The following TBCK variants were observed in gnomAD, a reference collection of about 807,000 sequenced individuals.
TBCK encodes TBC1 domain containing kinase.
In TBCK, 99 loss-of-function variants were observed where a neutral mutation model predicts 113.4. The observed-to-expected ratio is 0.87, with a 90% CI of 0.74 to 1.03. The LOEUF (loss-of-function observed/expected upper bound fraction) is 1.03. TBCK is among the 50% of genes least tolerant of loss of function. TBCK has a pLI of 0.00. For missense variants in TBCK, 1,045 were observed against 1,061.3 expected (o/e 0.98, Z 0.21); for synonymous variants, 369 against 370.8 (o/e 1.00, Z 0.05).
intron 3 of TBCK, among the ~76,000 whole-genome samples, chr4:106,265,481 C>A (rs952158493): frequency 2.6e-5 from 4 of 151,420 alleles, no homozygotes; most frequent in African/African-American, 9.7e-5. Flanking sequence ...AATCTTTAGT[C>A]CTATCTATTA....
At chr4:106,312,670 T>TA (rs1768329627) in intron 1 of TBCK, among the ~76,000 whole-genome samples, 1 of 152,160 alleles carries the variant, frequency 6.6e-6, no homozygotes, top group Non-Finnish European at 1.5e-5. Context: ...AACTGTACTC[T>TA]TAATAGCTAA....
At chr4:106,214,380 C>T (rs1387437669) in intron 19 of TBCK, among the ~76,000 whole-genome samples, 7 of 152,156 alleles carry the variant, frequency 4.6e-5, no homozygotes, top group East Asian at 1.9e-4. Flanking sequence ...ATGACTTTGA[C>T]GAGCTGAGAG....
chr4:106,121,713 A>C (rs146648970), intron 23 of TBCK, among the ~76,000 whole-genome samples: 4,186 of 152,342 alleles, frequency 0.027, 185 homozygotes, highest in African/African-American at 0.096. Flanking sequence ...ACTCAGGATT[A>C]AGAATCTTAC....
At chr4:106,161,731 T>C (rs1022292618) in intron 23 of TBCK, among the ~76,000 whole-genome samples, 8 of 151,260 alleles carry the variant, frequency 5.3e-5, no homozygotes, top group African/African-American at 1.7e-4. Context: ...TGTGTGTGTA[T>C]GTGTGTATGT....
intron 19 of TBCK, among the ~76,000 whole-genome samples, chr4:106,216,202 G>A (rs1349017860): frequency 1.3e-5 from 2 of 151,300 alleles, no homozygotes; most frequent in Admixed American, 6.6e-5. Context: ...GAATCTCTGG[G>A]ACACATTCAA....
chr4:106,123,153 C>A lies in TBCK; in HGVS notation c.2236-6775G>T, dbSNP rs1413562425. 5.3e-5 allele frequency among the ~76,000 whole-genome samples: 8 copies of A among 152,304 alleles called. No homozygotes were observed. The South Asian group carries it at 6.2e-4, about 12-fold the overall frequency. Reference sequence around the variant, plus strand: ...CATTGTCTCAGCCCAAAATCTCCTTCAGCTGATAAGCAACTTCAGCAAAGT... The same window carrying A: ...CATTGTCTCAGCCCAAAATCTCCTTAAGCTGATAAGCAACTTCAGCAAAGT... On this transcript the variant is annotated intron_variant, in intron 23 of 25. Transcript: ENST00000394708.
intron 23 of TBCK, among the ~76,000 whole-genome samples, chr4:106,126,950 T>G (rs1030498105): frequency 3.9e-5 from 6 of 152,292 alleles, no homozygotes; most frequent in South Asian, 4.1e-4. Context: ...GGCTCATGCC[T>G]GTATTCCCCA....
chr4:106,256,827 AT>A (rs1212299177), intron 5 of TBCK, among the ~76,000 whole-genome samples: 5 of 151,996 alleles, frequency 3.3e-5, no homozygotes, highest in Non-Finnish European at 7.4e-5. Context: ...TAAAGTACCT[AT>A]TTTGCCTGTT....
At chr4:106,056,307 G>C in intron 25 of TBCK, among the ~76,000 whole-genome samples, 1 of 110,908 alleles carries the variant, frequency 9.0e-6, no homozygotes, top group South Asian at 2.8e-4. Flanking sequence ...GTCTCGCTTT[G>C]TTGCCCAGAC....
At chr4:106,189,546 G>A (rs1753427138) in intron 22 of TBCK, among the ~76,000 whole-genome samples, 1 of 151,650 alleles carries the variant, frequency 6.6e-6, no homozygotes, top group African/African-American at 2.4e-5. Flanking sequence ...TCCCATATCT[G>A]GCTATAAGCC....
chr4:106,204,751 ATTTTT>A (rs34775295), intron 20 of TBCK, among the ~76,000 whole-genome samples: 4 of 87,282 alleles, frequency 4.6e-5, no homozygotes, highest in African/African-American at 1.4e-4. Context: ...ACAAACAATG[ATTTTT>A]TTTTTTTTTT....
At chr4:106,217,422 C>T (rs1050909735) in intron 19 of TBCK, among the ~76,000 whole-genome samples, 45 of 152,180 alleles carry the variant, frequency 3.0e-4, no homozygotes, top group African/African-American at 1.1e-3. Context: ...AAGAGGAAGT[C>T]AAATTGTCCC....
At chr4:106,073,496 C>CA (rs1446958981) in intron 25 of TBCK, among the ~76,000 whole-genome samples, 11 of 152,206 alleles carry the variant, frequency 7.2e-5, no homozygotes, top group Non-Finnish European at 1.3e-4. Context: ...AGCTTCGTAT[C>CA]AGAGGGGCAC....
chr4:106,095,695 G>T, intron 24 of TBCK, 54 bp from the exon 25 acceptor site: 1 of 1,521,528 alleles, frequency 6.6e-7, no homozygotes, highest in South Asian at 1.2e-5. Flanking sequence ...CTGAGTGTCT[G>T]AGGGAAACTC....
chr4:106,314,592 A>AGC (rs1334705114), intron 1 of TBCK, among the ~76,000 whole-genome samples: 1 of 151,090 alleles, frequency 6.6e-6, no homozygotes, highest in Non-Finnish European at 1.5e-5. Flanking sequence ...TTTATTATTC[A>AGC]ATCCTACTAC....
rs574279142 is a variant in TBCK, at chr4:106,095,589, A to T, written c.2464T>A (p.Phe822Ile). 12 of 1,613,994 alleles carry T rather than the reference A, an allele frequency of 7.4e-6. No homozygotes were observed. The African/African-American group carries it at 1.3e-4, about 18-fold the overall frequency. Residue 822 changes from phenylalanine to isoleucine, a missense_variant, in exon 25 of 26, where the codon TTC becomes ATC. By Grantham distance (21) the Phe-to-Ile change is conservative. Coordinates refer to ENST00000394708, the MANE Select transcript of TBCK (RefSeq NM_001163435.3). ...GSINIPFSAA[F>I]TAEGELTQGP... Reference sequence around the variant, plus strand: ...TGGGTAAGCTCCCCTTCTGCAGTGAAGGCAGCACTGAATGGAATGTTGATG... The same window carrying T: ...TGGGTAAGCTCCCCTTCTGCAGTGATGGCAGCACTGAATGGAATGTTGATG...
At chr4:106,114,278 T>C (rs1416491481) in intron 24 of TBCK, among the ~76,000 whole-genome samples, 1 of 152,154 alleles carries the variant, frequency 6.6e-6, no homozygotes, top group Non-Finnish European at 1.5e-5. Flanking sequence ...GCTTCGGAAA[T>C]GGATTTGGCT....
At chr4:106,280,051 T>C (rs546954916) in intron 3 of TBCK, among the ~76,000 whole-genome samples, 3 of 152,256 alleles carry the variant, frequency 2.0e-5, no homozygotes, top group Admixed American at 1.3e-4. Flanking sequence ...ATTCCACCAA[T>C]AGCGTAAAAG....
intron 3 of TBCK, among the ~76,000 whole-genome samples, chr4:106,270,952 A>C (rs1173784924): frequency 6.6e-6 from 1 of 152,184 alleles, no homozygotes; most frequent in African/African-American, 2.4e-5. Context: ...AAAATAGCCA[A>C]ATTTTATTCT....
Sources: allele counts gnomAD v4.1 joint callset (sites outside exome capture counted in the v4.1 genomes callset), GRCh38; gene constraint gnomAD v4.1.1; transcripts MANE v1.5; gene names NCBI Gene and HGNC (gene_info 2026-07-23, HGNC 2026-07-21).